ATRNL1: variants seen among roughly 807,000 people sequenced by gnomAD.
ATRNL1 encodes the protein attractin-like protein 1.
ATRNL1 carries 95 observed loss-of-function variants against 182.7 expected under a neutral mutation model. The ratio of observed to expected loss-of-function variants is 0.52; its 90% CI spans 0.44 to 0.62. The LOEUF is 0.62. Among genes scored for constraint, ATRNL1 ranks in the 20% least tolerant of loss-of-function variants. ATRNL1 has a pLI of 0.00. For missense variants in ATRNL1, 1,471 were observed against 1,679.5 expected (o/e 0.88, Z 2.17); for synonymous variants, 576 against 568.3 (o/e 1.01, Z -0.19).
intron 27 of ATRNL1, among the ~76,000 whole-genome samples, chr10:115,772,593 C>CTCTGTGTGTGTGTGTGTGTG (rs1555076680): frequency 7.2e-5 from 9 of 125,620 alleles, no homozygotes; most frequent in African/African-American, 2.9e-4. Context: ...AATATATACT[C>CTCTGTGTGTGTGTGTGTGTG]TGTCTGTGTG....
At chr10:115,843,667 A>G (rs561338819) in intron 27 of ATRNL1, among the ~76,000 whole-genome samples, 43 of 152,072 alleles carry the variant, frequency 2.8e-4, no homozygotes, top group Non-Finnish European at 5.6e-4. Flanking sequence ...GCTTGTGCAG[A>G]ATAAAGGATG....
chr10:115,835,424 CT>C (rs1262307547), intron 27 of ATRNL1, among the ~76,000 whole-genome samples: 1 of 152,120 alleles, frequency 6.6e-6, no homozygotes, highest in African/African-American at 2.4e-5. Context: ...AATTTCTGCC[CT>C]TTTTTGAAGA....
intron 27 of ATRNL1, among the ~76,000 whole-genome samples, chr10:115,795,117 G>C (rs1555082598): frequency 1.3e-5 from 2 of 152,114 alleles, no homozygotes; most frequent in African/African-American, 4.8e-5. Context: ...GTTTCTTTTA[G>C]TGGAAAATGG....
intron 27 of ATRNL1, among the ~76,000 whole-genome samples, chr10:115,760,872 G>C (rs1555073425): frequency 6.6e-6 from 1 of 152,172 alleles, no homozygotes; most frequent in Non-Finnish European, 1.5e-5. Context: ...CAGAAGGCTG[G>C]TCAATAGCTG....
chr10:115,236,107 C>A (rs1176706630), intron 9 of ATRNL1, among the ~76,000 whole-genome samples: 2 of 152,066 alleles, frequency 1.3e-5, no homozygotes, highest in African/African-American at 4.8e-5. Context: ...TTAGATATGT[C>A]CCCATCATTC....
At chr10:115,493,242 A>G (rs547243940) in intron 24 of ATRNL1, among the ~76,000 whole-genome samples, 50 of 152,230 alleles carry the variant, frequency 3.3e-4, no homozygotes, top group African/African-American at 1.1e-3. Context: ...CACAATAGGT[A>G]GTTTTCAATC....
chr10:115,451,896 G>A (rs1847300894), intron 21 of ATRNL1, among the ~76,000 whole-genome samples: 1 of 152,146 alleles, frequency 6.6e-6, no homozygotes, highest in Non-Finnish European at 1.5e-5. Context: ...TAAAGAAAAT[G>A]TGGTATGCAT....
intron 21 of ATRNL1, among the ~76,000 whole-genome samples, chr10:115,435,888 T>G (rs976213774): frequency 1.7e-4 from 26 of 152,218 alleles, no homozygotes; most frequent in Non-Finnish European, 5.9e-5. Context: ...TTATTGGATC[T>G]CCATACTTAG....
intron 26 of ATRNL1, among the ~76,000 whole-genome samples, chr10:115,602,641 A>T (rs1856662075): frequency 6.6e-6 from 1 of 152,102 alleles, no homozygotes; most frequent in Non-Finnish European, 1.5e-5. Flanking sequence ...AGGTGGGTGG[A>T]TCACAAGATC....
intron 19 of ATRNL1, among the ~76,000 whole-genome samples, chr10:115,349,355 C>A (rs1856123869): frequency 6.6e-6 from 1 of 152,166 alleles, no homozygotes; most frequent in African/African-American, 2.4e-5. Context: ...TTTCATTGTT[C>A]ATCTGTCGAT....
At chr10:115,410,955 C>T (rs1845110224) in intron 20 of ATRNL1, among the ~76,000 whole-genome samples, 2 of 152,120 alleles carry the variant, frequency 1.3e-5, no homozygotes, top group East Asian at 3.9e-4. Context: ...CCAGGCTGGT[C>T]TCAAACTCCT....
intron 26 of ATRNL1, among the ~76,000 whole-genome samples, chr10:115,709,617 T>C (rs1467911305): frequency 6.6e-6 from 1 of 151,838 alleles, no homozygotes; most frequent in Non-Finnish European, 1.5e-5. Flanking sequence ...AGAAGAGCAA[T>C]GTATAGACTT....
intron 26 of ATRNL1, among the ~76,000 whole-genome samples, chr10:115,636,711 TACTC>T (rs34358940): frequency 0.29 from 43,522 of 151,820 alleles, 7,066 homozygotes; most frequent in East Asian, 0.57. Context: ...ACTAGATACT[TACTC>T]AAGAGAAATG....
At chr10:115,916,940 G>T (rs1384033425) in intron 28 of ATRNL1, among the ~76,000 whole-genome samples, 1 of 152,210 alleles carries the variant, frequency 6.6e-6, no homozygotes, top group East Asian at 1.9e-4. Context: ...CTGGCCCCCT[G>T]TCAGGAACTG....
intron 28 of ATRNL1, among the ~76,000 whole-genome samples, chr10:115,886,264 A>G (rs1363894832): frequency 1.3e-5 from 2 of 152,234 alleles, no homozygotes; most frequent in African/African-American, 2.4e-5. Flanking sequence ...AGTTGATACC[A>G]TATTCACAGC....
chr10:115,389,577 T>TAC lies in ATRNL1; in HGVS notation c.3176-5081_3176-5080insCA, dbSNP rs1564990250. 5.0e-4 allele frequency among the ~76,000 whole-genome samples: 60 copies of TAC among 120,678 alleles called. 5 individuals carry two copies. The South Asian group carries it at 0.016, about 33-fold the overall frequency. The allele number at this position is 120,678 out of a possible 152,430, so 79.2% of individuals were successfully genotyped here. A position where few individuals can be genotyped will look rare whatever the true frequency, so the allele number is the denominator to read the frequency against. On this transcript the variant is annotated intron_variant, in intron 19 of 28. Coordinates refer to ENST00000355044, the MANE Select transcript of ATRNL1 (RefSeq NM_207303.4). ...ATATATATATATATATATATATATA[T>TAC]ATATATATATATATTTCATCCAATG...
chr10:115,435,625 T>A (rs1011226296), intron 21 of ATRNL1, among the ~76,000 whole-genome samples: 3 of 152,336 alleles, frequency 2.0e-5, no homozygotes, highest in Non-Finnish European at 2.9e-5. Flanking sequence ...TTGCTTGTTC[T>A]TAGATATCTC....
intron 26 of ATRNL1, among the ~76,000 whole-genome samples, chr10:115,627,270 C>T (rs550054036): frequency 6.6e-6 from 1 of 152,140 alleles, no homozygotes; most frequent in African/African-American, 2.4e-5. Flanking sequence ...CTGAGTATTT[C>T]ACATAAATAG....
chr10:115,441,780 G>A (rs542043762), intron 21 of ATRNL1, among the ~76,000 whole-genome samples: 200 of 151,928 alleles, frequency 1.3e-3, no homozygotes, highest in African/African-American at 4.7e-3. Context: ...TGTACATAAT[G>A]CCTATATACT....
Sources: allele counts gnomAD v4.1 joint callset (sites outside exome capture counted in the v4.1 genomes callset), GRCh38; gene constraint gnomAD v4.1.1; transcripts MANE v1.5; gene names NCBI Gene and HGNC (gene_info 2026-07-23, HGNC 2026-07-21).